MARCHF1: variants seen among roughly 807,000 people sequenced by gnomAD.
The protein encoded by MARCHF1 is membrane associated ring-CH-type finger 1.
A neutral mutation model predicts 54.2 loss-of-function variants in MARCHF1; 40 were observed. The ratio of observed to expected loss-of-function variants is 0.74; its 90% CI spans 0.57 to 0.96. MARCHF1 has a LOEUF of 0.96. MARCHF1 is among the 40% of genes least tolerant of loss of function. The probability of loss-of-function intolerance (pLI) is 0.00; values close to 1 mark genes in which losing one functional copy is unlikely to be tolerated. For missense variants in MARCHF1, 586 were observed against 656.5 expected (o/e 0.89, Z 1.17); for synonymous variants, 236 against 236.3 (o/e 1.00, Z 0.01).
At chr4:164,135,625 A>T (rs1246361514) in intron 1 of MARCHF1, 1 of 152,214 alleles carries the variant, frequency 6.6e-6, no homozygotes, top group Non-Finnish European at 1.5e-5. Flanking sequence ...CCCATGATTC[A>T]ATCACCTCCC....
chr4:164,315,629 G>T (rs1356966593), intron 1 of MARCHF1, among the ~76,000 whole-genome samples: 2 of 152,112 alleles, frequency 1.3e-5, no homozygotes, highest in Non-Finnish European at 2.9e-5. Context: ...TACTTTAGCT[G>T]CCCCAGGCCA....
intron 2 of MARCHF1, among the ~76,000 whole-genome samples, chr4:164,007,553 G>C (rs1282576191): frequency 1.3e-5 from 2 of 150,932 alleles, no homozygotes; most frequent in East Asian, 1.9e-4. Flanking sequence ...TAAAGAGATA[G>C]GTAATATAAA....
chr4:163,977,858 T>C (rs1752680112), intron 3 of MARCHF1, among the ~76,000 whole-genome samples: 1 of 152,192 alleles, frequency 6.6e-6, no homozygotes, highest in Non-Finnish European at 1.5e-5. Context: ...TCATTATTAT[T>C]AATTATTTTA....
chr4:163,979,289 T>A (rs368088869), intron 3 of MARCHF1, among the ~76,000 whole-genome samples: 3 of 140,190 alleles, frequency 2.1e-5, no homozygotes, highest in Admixed American at 7.5e-5. Flanking sequence ...TTTGTTCTTG[T>A]GATAGTTTAC....
chr4:163,917,776 T>A (rs1195915726), intron 3 of MARCHF1, among the ~76,000 whole-genome samples: 18 of 152,052 alleles, frequency 1.2e-4, no homozygotes, highest in Non-Finnish European at 2.9e-5. Context: ...ATTCTCTCTC[T>A]CACCGCTTAT....
intron 1 of MARCHF1, among the ~76,000 whole-genome samples, chr4:164,345,424 TACC>T (rs1163311675): frequency 7.2e-5 from 11 of 151,760 alleles, no homozygotes; most frequent in Non-Finnish European, 1.2e-4. Context: ...ATGCAAAAAT[TACC>T]TGGGTGTAGT....
At chr4:163,786,944 T>C (rs1494297) in intron 4 of MARCHF1, among the ~76,000 whole-genome samples, 130,068 of 151,764 alleles carry the variant, frequency 0.86, 56,881 homozygotes, top group East Asian at 0.95. Context: ...GAGAATACGG[T>C]CAAATGATTT....
chr4:164,346,057 T>C (rs1730084473), intron 1 of MARCHF1, among the ~76,000 whole-genome samples: 1 of 152,200 alleles, frequency 6.6e-6, no homozygotes, highest in Non-Finnish European at 1.5e-5. Flanking sequence ...TGATTGGTAC[T>C]AAAACAAATT....
chr4:164,194,039 T>C (rs7688062), intron 1 of MARCHF1, among the ~76,000 whole-genome samples: 23,481 of 152,046 alleles, frequency 0.15, 2,509 homozygotes, highest in African/African-American at 0.28. Flanking sequence ...CTCTCAAAAG[T>C]GGGTAATGTC....
chr4:164,346,772 A>G (rs957750657), intron 1 of MARCHF1, among the ~76,000 whole-genome samples: 1 of 151,524 alleles, frequency 6.6e-6, no homozygotes, highest in Non-Finnish European at 1.5e-5. Context: ...AGCACCTAGC[A>G]TGAGTATCAG....
chr4:163,580,201 C>A (rs1266520515), intron 8 of MARCHF1, among the ~76,000 whole-genome samples: 1 of 152,020 alleles, frequency 6.6e-6, no homozygotes, highest in African/African-American at 2.4e-5. Context: ...GCCTCAGCCT[C>A]CCAAGTAGCT....
chr4:163,743,742 C>T (rs1746277113), intron 4 of MARCHF1, among the ~76,000 whole-genome samples: 1 of 152,038 alleles, frequency 6.6e-6, no homozygotes, highest in African/African-American at 2.4e-5. Context: ...CCATGCCTGG[C>T]CAATTTTTTT....
chr4:164,249,427 A>G (rs948420035), intron 1 of MARCHF1, among the ~76,000 whole-genome samples: 1 of 152,098 alleles, frequency 6.6e-6, no homozygotes, highest in African/African-American at 2.4e-5. Context: ...TATGTGATGT[A>G]TATGTGAAAT....
At chr4:164,127,164 C>T (rs1389816760) in intron 1 of MARCHF1, among the ~76,000 whole-genome samples, 1 of 152,202 alleles carries the variant, frequency 6.6e-6, no homozygotes, top group African/African-American at 2.4e-5. Flanking sequence ...AATTGAGTTT[C>T]TGTCCTCGTG....
chr4:163,695,733 C>T (rs572210524), intron 5 of MARCHF1, among the ~76,000 whole-genome samples: 8 of 152,202 alleles, frequency 5.3e-5, no homozygotes, highest in Admixed American at 1.3e-4. Flanking sequence ...AAGTACAAGC[C>T]GTTCTTTCCT....
intron 4 of MARCHF1, among the ~76,000 whole-genome samples, chr4:163,746,759 T>C (rs1746373303): frequency 6.6e-6 from 1 of 152,194 alleles, no homozygotes; most frequent in Non-Finnish European, 1.5e-5. Flanking sequence ...TTTGTTTTCT[T>C]AGAAATATGG....
At chr4:163,591,037 A>G (rs1740572740) in intron 7 of MARCHF1, among the ~76,000 whole-genome samples, 1 of 151,558 alleles carries the variant, frequency 6.6e-6, no homozygotes, top group Non-Finnish European at 1.5e-5. Context: ...ATTAAGTGAC[A>G]ATAATTATTA....
chr4:163,815,485 T>A (rs1397407749), intron 4 of MARCHF1, among the ~76,000 whole-genome samples: 1 of 152,178 alleles, frequency 6.6e-6, no homozygotes, highest in East Asian at 1.9e-4. Context: ...ATGAGTTTTA[T>A]CGGTGCTACT....
At chr4:163,666,230 C>T (rs150205008) in intron 5 of MARCHF1, among the ~76,000 whole-genome samples, 2 of 152,080 alleles carry the variant, frequency 1.3e-5, no homozygotes, top group Admixed American at 6.6e-5. Context: ...GATACTATCA[C>T]GTGGTTTGAT....
Sources: allele counts gnomAD v4.1 joint callset (sites outside exome capture counted in the v4.1 genomes callset), GRCh38; gene constraint gnomAD v4.1.1; transcripts MANE v1.5; gene names NCBI Gene and HGNC (gene_info 2026-07-23, HGNC 2026-07-21).